Variants in PTPRD observed in about 807,000 individuals in gnomAD.
PTPRD encodes protein tyrosine phosphatase receptor type D, also known as receptor-type tyrosine-protein phosphatase delta.
Under a neutral mutation model 214.5 loss-of-function variants are expected in PTPRD, and 34 were observed. That is an observed-to-expected ratio of 0.16 (90% CI 0.12 to 0.21). PTPRD has a LOEUF of 0.21. Ranked by LOEUF, PTPRD falls within the 10% of genes least tolerant of loss-of-function variation. The pLI is 1.00. For synonymous variants in PTPRD, 1,128 were observed against 845.7 expected, an observed-to-expected ratio of 1.33 and a Z score of -5.79; for missense variants, 2,545 against 2,398.7, an observed-to-expected ratio of 1.06 and a Z score of -1.27.
intron 9 of PTPRD, among the ~76,000 whole-genome samples, chr9:9,226,260 C>G (rs2099959410): frequency 6.6e-6 from 1 of 151,596 alleles, no homozygotes; most frequent in Non-Finnish European, 1.5e-5. Context: ...GTGCAAAGGG[C>G]AAGACTGGTG....
At chr9:9,797,065 T>C (rs1007607782) in intron 5 of PTPRD, among the ~76,000 whole-genome samples, 2 of 152,020 alleles carry the variant, frequency 1.3e-5, no homozygotes, top group Non-Finnish European at 2.9e-5. Context: ...GCAAAGACAG[T>C]GGTCACACAC....
At chr9:8,736,776 C>T (rs1371285395) in intron 11 of PTPRD, among the ~76,000 whole-genome samples, 8 of 151,802 alleles carry the variant, frequency 5.3e-5, no homozygotes, top group Non-Finnish European at 1.2e-4. Context: ...AATCCAGAAG[C>T]TGGCCAGCTG....
rs141386313 is a variant in PTPRD, at chr9:10,252,149, A to G, written c.-545+88814T>C. ...AAGAATAAAAATAATTTTTTAAACT[A>G]AAAAAGAGAGAGAGAGAGAACCTAT... On this transcript the variant is annotated intron_variant, in intron 3 of 45. Transcript: ENST00000381196. Among the ~76,000 whole-genome samples the G allele has an allele frequency of 3.4e-4, 51 of 151,436 alleles. No homozygotes were observed. The East Asian group carries it at 8.1e-3, about 24-fold the overall frequency.
chr9:8,360,094 T>A (rs1433027904), intron 39 of PTPRD, among the ~76,000 whole-genome samples: 2 of 152,192 alleles, frequency 1.3e-5, no homozygotes, highest in Non-Finnish European at 2.9e-5. Context: ...AATTCTTAGA[T>A]AAAATGACGA....
chr9:10,546,126 T>A (rs968816897), intron 2 of PTPRD, among the ~76,000 whole-genome samples: 2 of 152,120 alleles, frequency 1.3e-5, no homozygotes, highest in Admixed American at 1.3e-4. Flanking sequence ...CATTACTCTA[T>A]TAGTGAGGGA....
intron 9 of PTPRD, among the ~76,000 whole-genome samples, chr9:9,235,182 T>C (rs965625660): frequency 2.0e-5 from 3 of 152,144 alleles, no homozygotes; most frequent in Non-Finnish European, 2.9e-5. Context: ...AAGCCCCTTA[T>C]AAAACCATCA....
At chr9:8,480,126 C>G (rs1289139256) in intron 30 of PTPRD, among the ~76,000 whole-genome samples, 1 of 152,162 alleles carries the variant, frequency 6.6e-6, no homozygotes. Flanking sequence ...CCTGACAAAA[C>G]AGTGTGTATA....
chr9:8,513,677 T>C (rs2097726664), intron 21 of PTPRD, among the ~76,000 whole-genome samples: 1 of 152,074 alleles, frequency 6.6e-6, no homozygotes, highest in Non-Finnish European at 1.5e-5. Context: ...GTCCTAGCAA[T>C]CATCCTAAGA....
chr9:9,237,693 A>C (rs1307462736), intron 9 of PTPRD, among the ~76,000 whole-genome samples: 2 of 152,046 alleles, frequency 1.3e-5, no homozygotes, highest in Non-Finnish European at 2.9e-5. Context: ...TGATCTTCAG[A>C]CTATAAATTT....
intron 9 of PTPRD, among the ~76,000 whole-genome samples, chr9:9,321,310 C>A (rs1966362365): frequency 6.6e-6 from 1 of 152,114 alleles, no homozygotes; most frequent in African/African-American, 2.4e-5. Flanking sequence ...AATCCCAACA[C>A]TTTGGGAGGC....
rs549539511 is a variant in PTPRD at position 8,389,863 on chromosome 9, G to A, written c.4211-456C>T. On this transcript the variant is annotated intron_variant, in intron 36 of 45. Transcript: ENST00000381196. ...AAATTCTTTGTAGATTTAGTTAACA[G>A]GAAACTCATATATAAACTCATTTAA... is the stretch of plus-strand genomic sequence containing the variant. 9.2e-5 allele frequency among the ~76,000 whole-genome samples: 14 copies of A among 152,238 alleles called. No individual in the cohort carries two copies. The South Asian group carries it at 2.9e-3, about 32-fold the overall frequency.
At chr9:10,073,911 T>C (rs2098083628) in intron 3 of PTPRD, among the ~76,000 whole-genome samples, 1 of 152,132 alleles carries the variant, frequency 6.6e-6, no homozygotes, top group Non-Finnish European at 1.5e-5. Context: ...AGTTTATAAA[T>C]TGTATGGACT....
At chr9:10,162,734 T>TAC (rs1564234946) in intron 3 of PTPRD, among the ~76,000 whole-genome samples, 2 of 144,568 alleles carry the variant, frequency 1.4e-5, no homozygotes, top group African/African-American at 2.5e-5. Context: ...TACATGTACA[T>TAC]ATATATATAC....
intron 3 of PTPRD, among the ~76,000 whole-genome samples, chr9:10,170,205 T>C (rs1593047241): frequency 6.6e-6 from 1 of 152,160 alleles, no homozygotes; most frequent in Admixed American, 6.6e-5. Flanking sequence ...CCTGAGCTGC[T>C]GTAGGGAGCA....
chr9:9,093,906 T>G (rs976688962), intron 10 of PTPRD, among the ~76,000 whole-genome samples: 1 of 151,258 alleles, frequency 6.6e-6, no homozygotes, highest in African/African-American at 2.4e-5. Flanking sequence ...TCAGTAAAAT[T>G]GATAAACTTC....
intron 7 of PTPRD, among the ~76,000 whole-genome samples, chr9:9,604,227 T>G (rs1479237722): frequency 6.6e-6 from 1 of 152,128 alleles, no homozygotes; most frequent in Non-Finnish European, 1.5e-5. Context: ...AAACACATCC[T>G]GTAGAAATGC....
At chr9:8,756,012 A>C (rs720821) in intron 11 of PTPRD, among the ~76,000 whole-genome samples, 78,402 of 152,118 alleles carry the variant, frequency 0.52, 23,714 homozygotes, top group South Asian at 0.67. Flanking sequence ...TAGAAGAGGA[A>C]AATATGATCT....
intron 11 of PTPRD, among the ~76,000 whole-genome samples, chr9:8,779,645 T>C (rs757529724): frequency 6.6e-6 from 1 of 152,174 alleles, no homozygotes. Context: ...GAGATGCCAC[T>C]ATCTCCTCAG....
At chr9:8,344,469 A>C (rs181655810) in intron 39 of PTPRD, among the ~76,000 whole-genome samples, 1 of 152,064 alleles carries the variant, frequency 6.6e-6, no homozygotes, top group African/African-American at 2.4e-5. Flanking sequence ...TTTTCCAAAA[A>C]ATAAGGGAAA....
Sources: allele counts gnomAD v4.1 joint callset (sites outside exome capture counted in the v4.1 genomes callset), GRCh38; gene constraint gnomAD v4.1.1; transcripts MANE v1.5; gene names NCBI Gene and HGNC (gene_info 2026-07-23, HGNC 2026-07-21).